Variants in MRPL48 observed in about 807,000 individuals in gnomAD.
MRPL48 encodes the protein mitochondrial ribosomal protein L48.
Under a neutral mutation model 32.9 loss-of-function variants are expected in MRPL48, and 16 were observed. The observed-to-expected ratio is 0.49, with a 90% CI of 0.33 to 0.74. The LOEUF is 0.74. MRPL48 is among the 30% of genes least tolerant of loss of function. The pLI, the probability that MRPL48 is intolerant of heterozygous loss-of-function variation, is 0.02. For missense variants in MRPL48, 206 were observed against 245.3 expected (o/e 0.84, Z 1.07); for synonymous variants, 94 against 89.2 (o/e 1.05, Z -0.31).
intron 6 of MRPL48, among the ~76,000 whole-genome samples, chr11:73,862,394 C>T (rs1948598427): frequency 6.6e-6 from 1 of 152,022 alleles, no homozygotes; most frequent in Non-Finnish European, 1.5e-5. Context: ...TGCACTCCAG[C>T]CTGGGCAACA....
intron 4 of MRPL48, among the ~76,000 whole-genome samples, chr11:73,826,297 G>A (rs1947888387): frequency 6.6e-6 from 1 of 152,016 alleles, no homozygotes; most frequent in African/African-American, 2.4e-5. Context: ...AGGGATTACA[G>A]GCATGAGCCA....
chr11:73,820,059 C>A (rs1330629333), intron 3 of MRPL48, among the ~76,000 whole-genome samples: 1 of 152,172 alleles, frequency 6.6e-6, no homozygotes, highest in East Asian at 1.9e-4. Context: ...AGATCAACAA[C>A]TTAGCGGGGG....
rs1480389765 is a variant in MRPL48, at chr11:73,819,939, G to T, written c.113-5769G>T. ...AATTGTGTGTGTGCAATAAATAAAT[G>T]GTTAGATTAATGAAAGAGAATAACA... On this transcript the variant is annotated intron_variant, in intron 3 of 7. Transcript: ENST00000310614. Among the ~76,000 whole-genome samples, 4 of 152,062 alleles carry T rather than the reference G, an allele frequency of 2.6e-5. No homozygotes were observed. In the South Asian group the frequency reaches 8.3e-4, roughly 32 times the overall value.
chr11:73,858,616 G>A (rs548624352), intron 5 of MRPL48, among the ~76,000 whole-genome samples: 1 of 152,294 alleles, frequency 6.6e-6, no homozygotes, highest in East Asian at 1.9e-4. Flanking sequence ...CCTATAGAGG[G>A]CCATGCCCCT....
At chr11:73,798,865 C>T (rs947277338) in intron 1 of MRPL48, among the ~76,000 whole-genome samples, 4 of 151,940 alleles carry the variant, frequency 2.6e-5, no homozygotes, top group African/African-American at 7.3e-5. Flanking sequence ...GTGACAGGCA[C>T]CTGTAATCCC....
intron 1 of MRPL48, chr11:73,789,322 C>T (rs1947105229): frequency 6.6e-6 from 1 of 152,190 alleles, no homozygotes; most frequent in African/African-American, 2.4e-5. Flanking sequence ...CCATGTTTCA[C>T]CATATTGCTC....
intron 5 of MRPL48, among the ~76,000 whole-genome samples, 189 bp from the exon 6 acceptor site, chr11:73,859,718 G>A (rs1287911040): frequency 1.3e-5 from 2 of 152,108 alleles, no homozygotes; most frequent in Admixed American, 6.6e-5. Flanking sequence ...ATTAAACATG[G>A]TGTATTTGCT....
At chr11:73,819,752 A>G (rs943801883) in intron 3 of MRPL48, among the ~76,000 whole-genome samples, 2 of 152,148 alleles carry the variant, frequency 1.3e-5, no homozygotes, top group African/African-American at 2.4e-5. Flanking sequence ...GGGACAAATT[A>G]AACTGGTGTG....
chr11:73,817,091 C>T lies in MRPL48; in HGVS notation c.113-8617C>T, dbSNP rs144838487. 2.2e-4 allele frequency among the ~76,000 whole-genome samples: 33 copies of T among 148,398 alleles called. 1 individual carries two copies. In the East Asian group the frequency reaches 3.1e-3, roughly 14 times the overall value. On this transcript the variant is annotated intron_variant, in intron 3 of 7. Coordinates refer to ENST00000310614, the MANE Select transcript of MRPL48 (RefSeq NM_016055.6). ...AGGTGGTTCACCCGCTTGGGCCTCC[C>T]GAAGTGCTGGGTTCACAGGCATGAG...
chr11:73,801,884 A>G (rs1947368651), intron 1 of MRPL48, among the ~76,000 whole-genome samples: 1 of 152,198 alleles, frequency 6.6e-6, no homozygotes, highest in Non-Finnish European at 1.5e-5. Flanking sequence ...TCATTTATTC[A>G]CTTCTTTCTA....
intron 4 of MRPL48, among the ~76,000 whole-genome samples, chr11:73,831,644 C>CAG (rs1392698688): frequency 6.6e-6 from 1 of 151,648 alleles, no homozygotes; most frequent in Non-Finnish European, 1.5e-5. Flanking sequence ...TTATATTTCA[C>CAG]AGAAGTAAAA....
At chr11:73,831,024 G>A (rs953711364) in intron 4 of MRPL48, among the ~76,000 whole-genome samples, 2 of 151,978 alleles carry the variant, frequency 1.3e-5, no homozygotes, top group Non-Finnish European at 2.9e-5. Context: ...ATTTTTAGTA[G>A]AGATGGGGTT....
chr11:73,800,573 A>G (rs529021246), intron 1 of MRPL48, among the ~76,000 whole-genome samples: 68 of 152,156 alleles, frequency 4.5e-4, no homozygotes, highest in African/African-American at 1.3e-3. Context: ...GTCCTCATTC[A>G]TTCATTCGCT....
intron 4 of MRPL48, among the ~76,000 whole-genome samples, chr11:73,838,761 G>T (rs1948143903): frequency 6.6e-6 from 1 of 152,214 alleles, no homozygotes; most frequent in Non-Finnish European, 1.5e-5. Context: ...ACCCTGGGGT[G>T]GCCACCACTG....
At chr11:73,805,293 C>CTTTTTTTTTTTT (rs11335180) in intron 2 of MRPL48, among the ~76,000 whole-genome samples, 8 of 136,894 alleles carry the variant, frequency 5.8e-5, no homozygotes, top group South Asian at 2.3e-4. Context: ...TGATGCTGTT[C>CTTTTTTTTTTTT]TTTTTTTTTT....
intron 3 of MRPL48, among the ~76,000 whole-genome samples, chr11:73,820,076 A>G (rs1367964925): frequency 6.6e-6 from 1 of 152,166 alleles, no homozygotes; most frequent in Non-Finnish European, 1.5e-5. Context: ...GGGGCTACCA[A>G]TCTAATCTCC....
In MRPL48 at chr11:73,788,122, A is replaced by G. The variant is rs536589585; in HGVS notation, c.21+130A>G. 3.6e-5 allele frequency: 50 copies of G among 1,372,128 alleles called. No homozygotes were observed. In the East Asian group the frequency reaches 8.4e-4, roughly 23 times the overall value. The allele number at this position is 1,372,128 out of a possible 1,614,324, so 85.0% of individuals were successfully genotyped here. On this transcript the variant is annotated intron_variant, in intron 1 of 7. Coordinates refer to ENST00000310614, the MANE Select transcript of MRPL48 (RefSeq NM_016055.6). ...CGGGGATGAGACACTGGGGCGCCCA[A>G]GGTCCTTCCCAGCAGCACATGCGGC...
At chr11:73,826,845 C>T (rs1211692435) in intron 4 of MRPL48, among the ~76,000 whole-genome samples, 5 of 147,544 alleles carry the variant, frequency 3.4e-5, no homozygotes, top group Non-Finnish European at 5.9e-5. Context: ...GGTGCGATCT[C>T]GGCTCACTGC....
rs532662715 is a variant in MRPL48, at chr11:73,795,937, C to G, written c.21+7945C>G. Among the ~76,000 whole-genome samples, 3 of 152,294 alleles carry G rather than the reference C, an allele frequency of 2.0e-5. No homozygotes were observed. In the East Asian group the frequency reaches 5.8e-4, roughly 29 times the overall value. ...ACTCCTTACCCATAAGTAGTCACTCCCCATACTGTCATCTCCCAGCCCTTA... is the reference window on the plus strand; with the variant it reads ...ACTCCTTACCCATAAGTAGTCACTCGCCATACTGTCATCTCCCAGCCCTTA... On this transcript the variant is annotated intron_variant, in intron 1 of 7. Transcript: ENST00000310614.
Sources: gnomAD v4.1 joint callset for allele counts (sites outside exome capture counted in the v4.1 genomes callset) on GRCh38, gnomAD v4.1.1 for gene constraint, MANE v1.5 for transcripts, NCBI Gene and HGNC (gene_info 2026-07-23, HGNC 2026-07-21) for gene names.